Variants in SCN1A observed in about 807,000 individuals in gnomAD.
SCN1A encodes sodium channel protein type 1 subunit alpha.
Under a neutral mutation model 193.7 loss-of-function variants are expected in SCN1A, and 13 were observed. The observed-to-expected ratio is 0.07, with a 90% CI of 0.04 to 0.11. The LOEUF (loss-of-function observed/expected upper bound fraction) is 0.11. SCN1A is among the 10% of genes least tolerant of loss of function. The probability of loss-of-function intolerance (pLI) is 1.00; values close to 1 mark genes in which losing one functional copy is unlikely to be tolerated. For missense variants in SCN1A, 1,432 were observed against 2,451.1 expected (o/e 0.58, Z 8.78); for synonymous variants, 781 against 843.6 (o/e 0.93, Z 1.29).
At chr2:166,016,959 G>A (rs180827512) in intron 19 of SCN1A, among the ~76,000 whole-genome samples, 33 of 150,598 alleles carry the variant, frequency 2.2e-4, no homozygotes, top group Non-Finnish European at 3.6e-4. Flanking sequence ...AAGTTTCACC[G>A]AAATATTTGT....
At position 166,000,162 on chromosome 2, in the gene SCN1A, A is replaced by G. The variant is rs1690630581; in HGVS notation, c.4285-386T>C. The G allele has an allele frequency of 1.3e-5, 3 of 227,812 alleles. No homozygotes were observed. In the South Asian group the frequency reaches 2.2e-4, roughly 16 times the overall value. The allele number at this position is 227,812 out of a possible 1,614,324, so 14.1% of individuals were successfully genotyped here. A position where few individuals can be genotyped will look rare whatever the true frequency, so the allele number is the denominator to read the frequency against. On this transcript the variant is annotated intron_variant, in intron 24 of 28. Coordinates refer to ENST00000674923, the MANE Select transcript of SCN1A (RefSeq NM_001165963.4). Reference sequence around the variant, plus strand: ...TAATTACAACTTAGATCTAAGGATCATCTGCTAAAATTTATCTGCAGGGTG... The same window carrying G: ...TAATTACAACTTAGATCTAAGGATCGTCTGCTAAAATTTATCTGCAGGGTG...
intron 19 of SCN1A, 79 bp from the exon 20 acceptor site, chr2:166,015,806 T>C: frequency 6.6e-7 from 1 of 1,517,830 alleles, no homozygotes; most frequent in Non-Finnish European, 9.1e-7. Flanking sequence ...ATTATTACTA[T>C]GAATTTGTTT....
intron 1 of SCN1A, among the ~76,000 whole-genome samples, chr2:166,136,842 A>T (rs1043720498): frequency 1.4e-4 from 22 of 152,142 alleles, no homozygotes; most frequent in Admixed American, 5.2e-4. Context: ...TTAACTAAAG[A>T]GGAATGCAGC....
chr2:166,145,794 C>T (rs76121363), intron 1 of SCN1A, among the ~76,000 whole-genome samples: 1 of 152,206 alleles, frequency 6.6e-6, no homozygotes, highest in African/African-American at 2.4e-5. Flanking sequence ...ATGACCCCAA[C>T]TGCCTTCTAT....
At chr2:166,117,835 C>T (rs1000532007) in intron 2 of SCN1A, among the ~76,000 whole-genome samples, 3 of 151,848 alleles carry the variant, frequency 2.0e-5, no homozygotes, top group African/African-American at 7.3e-5. Context: ...TGGTAGTGTG[C>T]GCCTGTAATC....
At chr2:166,063,744 A>T (rs1332575743) in intron 4 of SCN1A, among the ~76,000 whole-genome samples, 1 of 152,122 alleles carries the variant, frequency 6.6e-6, no homozygotes, top group Non-Finnish European at 1.5e-5. Flanking sequence ...AATTAATTTT[A>T]ACAGTATTTT....
intron 7 of SCN1A, 75 bp downstream of exon 7, chr2:166,054,563 C>G: frequency 1.4e-6 from 2 of 1,476,812 alleles, no homozygotes; most frequent in Non-Finnish European, 1.9e-6. Flanking sequence ...GTAAAGCAAA[C>G]CTATTCTTAA....
At chr2:166,085,826 G>A (rs924806505) in intron 2 of SCN1A, among the ~76,000 whole-genome samples, 13 of 152,106 alleles carry the variant, frequency 8.5e-5, no homozygotes, top group African/African-American at 2.7e-4. Flanking sequence ...CATAGAACAA[G>A]TCTAAGCAAA....
At position 166,009,853 on chromosome 2, in the gene SCN1A, A is replaced by T; in HGVS notation, c.3880-12T>A. 6.2e-7 allele frequency: 1 copy of T among 1,604,426 alleles called. No individual in the cohort carries two copies. The highest frequency in any genetic ancestry group is 1.1e-5 in the South Asian group (1 of 90,894). ...CTGACCAATGAAACCTGCACACACA[A>T]AAATAATAACAATTAATAAACAGAA... On this transcript the variant is annotated splice_polypyrimidine_tract_variant and intron_variant, in intron 22 of 28. Coordinates refer to ENST00000674923, the MANE Select transcript of SCN1A (RefSeq NM_001165963.4).
intron 4 of SCN1A, among the ~76,000 whole-genome samples, chr2:166,063,196 T>C (rs1360815572): frequency 1.3e-5 from 2 of 152,102 alleles, no homozygotes; most frequent in East Asian, 3.9e-4. Context: ...ATAACATCAT[T>C]TTAACACGTG....
intron 24 of SCN1A, among the ~76,000 whole-genome samples, chr2:166,000,462 C>T (rs911995072): frequency 1.3e-5 from 2 of 151,798 alleles, no homozygotes; most frequent in South Asian, 2.1e-4. Context: ...GAAGGATACT[C>T]AGGCTAACAA....
chr2:165,989,026 CTCTGTGTG>C lies in SCN1A; in HGVS notation c.*2211_*2218del, dbSNP rs1466793932. The C allele has an allele frequency of 1.3e-5, 1 of 76,942 alleles. No homozygotes were observed. The highest frequency in any genetic ancestry group is 3.9e-4 in the East Asian group (1 of 2,570). 4.8% of individuals were successfully genotyped at this position (76,942 alleles called of 1,614,324 possible). ...GGTTTTGTTGTCAACGTGGGTATGCCTCTGTGTGTGTGTGTGTGTGTGTGTGTGTGTGT... is the reference window on the plus strand; with the variant it reads ...GGTTTTGTTGTCAACGTGGGTATGCCTGTGTGTGTGTGTGTGTGTGTGTGT... On this transcript the variant is annotated 3_prime_UTR_variant, in exon 29 of 29. Coordinates refer to ENST00000674923, the MANE Select transcript of SCN1A (RefSeq NM_001165963.4).
rs1345195336 is a variant in SCN1A at position 166,001,879 on chromosome 2, C to A, written c.4284+593G>T. Among the ~76,000 whole-genome samples, 2 of 46,372 alleles carry A rather than the reference C, an allele frequency of 4.3e-5. 1 individual carries two copies. Among genetic ancestry groups the A allele is most frequent in the African/African-American group, 1.8e-4 (2 of 10,960 alleles). The allele number at this position is 46,372 out of a possible 152,430, so 30.4% of individuals were successfully genotyped here. On this transcript the variant is annotated intron_variant, in intron 24 of 28. Transcript: ENST00000674923. ...GTTGCTTCCAGGTATAATTCTCTCT[C>A]TTTTTTTTTTTTTTTTTTTTTTTTT...
In SCN1A at chr2:166,119,852, G is replaced by C. The variant is rs115282625; in HGVS notation, c.-142+7072C>G. Reference sequence around the variant, plus strand: ...GATTAAAGATACAATGAGTATCTTTGCATGAAATAGATTACTAAATTCTAT... The same window carrying C: ...GATTAAAGATACAATGAGTATCTTTCCATGAAATAGATTACTAAATTCTAT... On this transcript the variant is annotated intron_variant, in intron 2 of 28. Coordinates refer to ENST00000674923, the MANE Select transcript of SCN1A (RefSeq NM_001165963.4). Among the ~76,000 whole-genome samples, 1,129 of 152,030 alleles carry C rather than the reference G, an allele frequency of 7.4e-3. 12 individuals carry two copies. The highest frequency in any genetic ancestry group is 0.025 in the African/African-American group (1,057 of 41,500).
intron 5 of SCN1A, 38 bp from the exon 6 acceptor site, chr2:166,056,538 A>G (rs1329676574): frequency 7.0e-7 from 1 of 1,419,010 alleles, no homozygotes; most frequent in East Asian, 2.3e-5. Flanking sequence ...AGAAAATCAA[A>G]ATCCAAGTGT....
chr2:166,047,060 C>G, intron 11 of SCN1A, 84 bp from the exon 12 acceptor site: 1 of 1,443,874 alleles, frequency 6.9e-7, no homozygotes, highest in Non-Finnish European at 9.7e-7. Context: ...ATGTGTCTAG[C>G]AAAACTCAGA....
At position 165,992,850 on chromosome 2, in the gene SCN1A, G is replaced by C. The variant is rs904179128; in HGVS notation, c.4853-428C>G. The C allele has an allele frequency of 2.0e-5, 3 of 153,548 alleles. No individual in the cohort carries two copies. The highest frequency in any genetic ancestry group is 7.2e-5 in the African/African-American group (3 of 41,404). The allele number at this position is 153,548 out of a possible 1,614,324, so 9.5% of individuals were successfully genotyped here. A position where few individuals can be genotyped will look rare whatever the true frequency, so the allele number is the denominator to read the frequency against. Reference sequence around the variant, plus strand: ...ACTCCTTTTCCATCTGAAAGTATTGGTAGCTTTTGATGCTACTTTCATCTC... The same window carrying C: ...ACTCCTTTTCCATCTGAAAGTATTGCTAGCTTTTGATGCTACTTTCATCTC... On this transcript the variant is annotated intron_variant, in intron 28 of 28. Transcript: ENST00000674923. This position sits in a 1 kb window ranked among gnomAD's most constrained non-coding sequence, Gnocchi z 6.5.
At chr2:166,063,021 G>C (rs538276947) in intron 4 of SCN1A, among the ~76,000 whole-genome samples, 1 of 152,116 alleles carries the variant, frequency 6.6e-6, no homozygotes, top group South Asian at 2.1e-4. Flanking sequence ...AGGCTCATAG[G>C]AACATTGACA....
At chr2:166,073,179 T>G in intron 4 of SCN1A, 179 bp downstream of exon 4, 1 of 711,204 alleles carries the variant, frequency 1.4e-6, no homozygotes, top group Non-Finnish European at 2.3e-6. Flanking sequence ...GTTGCATATG[T>G]TATGATATAA....
Sources: gnomAD v4.1 joint callset for allele counts (sites outside exome capture counted in the v4.1 genomes callset) on GRCh38, gnomAD v4.1.1 for gene constraint, Gnocchi (gnomAD v3.1) non-coding constraint, MANE v1.5 for transcripts, NCBI Gene and HGNC (gene_info 2026-07-23, HGNC 2026-07-21) for gene names.